Variants in ZNF777 observed in about 807,000 individuals in gnomAD.
ZNF777 encodes the protein zinc finger protein 777.
ZNF777 carries 7 observed loss-of-function variants against 72.1 expected under a neutral mutation model. The observed-to-expected ratio is 0.10, with a 90% CI of 0.06 to 0.18. The LOEUF (loss-of-function observed/expected upper bound fraction) is 0.18, where lower values mean the gene tolerates loss of function less well. Among genes scored for constraint, ZNF777 ranks in the 10% least tolerant of loss-of-function variants. The pLI is 1.00. For synonymous variants in ZNF777, 545 were observed against 483.5 expected, an observed-to-expected ratio of 1.13 and a Z score of -1.67; for missense variants, 828 against 1,128.6, an observed-to-expected ratio of 0.73 and a Z score of 3.82.
intron 4 of ZNF777, among the ~76,000 whole-genome samples, chr7:149,444,585 A>C (rs1252255113): frequency 1.3e-5 from 2 of 152,182 alleles, no homozygotes; most frequent in Non-Finnish European, 2.9e-5. Context: ...TTGATAAAGG[A>C]TTTGTGGAGA....
intron 4 of ZNF777, among the ~76,000 whole-genome samples, chr7:149,437,075 T>TA (rs112620793): frequency 2.1e-4 from 32 of 151,460 alleles, no homozygotes; most frequent in African/African-American, 5.8e-4. Flanking sequence ...GCTCCATAAT[T>TA]AAAAAAAAAT....
chr7:149,436,590 G>T lies in ZNF777; in HGVS notation c.1324C>A (p.Gln442Lys). Reference sequence around the variant, plus strand: ...CAGCACTCACCCGTGCAGTTCCTCTGCTGCACCAGCATCTGCTTCAGTTCG... The same window carrying T: ...CAGCACTCACCCGTGCAGTTCCTCTTCTGCACCAGCATCTGCTTCAGTTCG... ...FSELKQMLVQ[Q>K]RNCTEGIVIK... Residue 442 changes from glutamine to lysine, a missense_variant, in exon 5 of 6, where the codon CAG becomes AAG. Around this residue, in one of 12 missense-constraint regions of ZNF777, gnomAD observed 219 missense variants for 223.0 expected, o/e 0.98. Transcript: ENST00000247930. This position sits in a 1 kb window ranked among gnomAD's most constrained non-coding sequence, Gnocchi z 5.0. 6.2e-7 allele frequency: 1 copy of T among 1,607,134 alleles called. No individual in the cohort carries two copies.
rs529406092 is a variant in ZNF777, at chr7:149,448,978, G to A, written c.1087+2021C>T. 2.1e-4 allele frequency among the ~76,000 whole-genome samples: 32 copies of A among 152,336 alleles called. 1 individual carries two copies. The South Asian group carries it at 2.7e-3, about 13-fold the overall frequency. On this transcript the variant is annotated intron_variant, in intron 4 of 5. Coordinates refer to ENST00000247930, the MANE Select transcript of ZNF777 (RefSeq NM_015694.3). ...TTTGGTATATTTGGAATTATGAGAAGTCTCAATTTTCTGGACTTTTACCCC... is the reference window on the plus strand; with the variant it reads ...TTTGGTATATTTGGAATTATGAGAAATCTCAATTTTCTGGACTTTTACCCC...
intron 4 of ZNF777, among the ~76,000 whole-genome samples, chr7:149,441,044 A>G (rs1203707723): frequency 6.6e-6 from 1 of 152,034 alleles, no homozygotes; most frequent in Non-Finnish European, 1.5e-5. Flanking sequence ...TCCTCCCTCA[A>G]AACAGGCAGT....
intron 1 of ZNF777, chr7:149,459,761 C>T (rs1799908558): frequency 2.0e-6 from 2 of 985,034 alleles, no homozygotes; most frequent in Non-Finnish European, 2.4e-6. Flanking sequence ...GCGCCCGGGC[C>T]GGGGAAGGCT....
In ZNF777 at chr7:149,456,149, A is replaced by T. The variant is rs752811951; in HGVS notation, c.-15-112T>A. 63 of 1,160,882 alleles carry T rather than the reference A, an allele frequency of 5.4e-5. No individual in the cohort carries two copies. The South Asian group carries it at 5.8e-4, about 11-fold the overall frequency. The allele number at this position is 1,160,882 out of a possible 1,614,324, so 71.9% of individuals were successfully genotyped here. A position where few individuals can be genotyped will look rare whatever the true frequency, so the allele number is the denominator to read the frequency against. ...AAAGTGCTTCCGTTTGGTAGCAATA[A>T]TATGTGCCCCTCATATGTGAATCTC... On this transcript the variant is annotated intron_variant, in intron 1 of 5. Coordinates refer to ENST00000247930, the MANE Select transcript of ZNF777 (RefSeq NM_015694.3).
rs963191584 is a variant in ZNF777 at position 149,460,030 on chromosome 7, C to G, written c.-16+785G>C. ...ACGTCGTAGCGTTTCTGCCCCTTAC[C>G]GAGATCCCAGGCCGGGCCGCCGAGC... is the stretch of plus-strand genomic sequence containing the variant. On this transcript the variant is annotated intron_variant, in intron 1 of 5. Coordinates refer to ENST00000247930, the MANE Select transcript of ZNF777 (RefSeq NM_015694.3). This position sits in a 1 kb window ranked among gnomAD's most constrained non-coding sequence, Gnocchi z 6.1. 1 of 981,632 alleles carries G rather than the reference C, an allele frequency of 1.0e-6. No individual in the cohort carries two copies. The highest frequency in any genetic ancestry group is 1.2e-6 in the Non-Finnish European group (1 of 827,874). The allele number at this position is 981,632 out of a possible 1,614,324, so 60.8% of individuals were successfully genotyped here.
intron 4 of ZNF777, among the ~76,000 whole-genome samples, chr7:149,448,534 G>A (rs965141702): frequency 4.5e-5 from 5 of 110,438 alleles, no homozygotes; most frequent in African/African-American, 2.1e-4. Context: ...TATACATATA[G>A]TTATATATAT....
intron 4 of ZNF777, among the ~76,000 whole-genome samples, chr7:149,441,690 C>G (rs1799518408): frequency 1.3e-5 from 2 of 152,118 alleles, no homozygotes; most frequent in South Asian, 4.1e-4. Flanking sequence ...AAGTTGTTTT[C>G]AAATGTATTA....
In ZNF777 at chr7:149,432,388, G is replaced by A. The variant is rs1011064974; in HGVS notation, c.1884C>T (p.Ser628=). ...TGTAGGGCTTAGGGCCACCGCCGCCGCTACCAGAGCTGGGTGACTTGGGAC... is the reference window on the plus strand; with the variant it reads ...TGTAGGGCTTAGGGCCACCGCCGCCACTACCAGAGCTGGGTGACTTGGGAC... The part of the protein sequence containing the change: ...KPRPKSPSSG[S]GGGGPKPYKC... The change falls in exon 6 of 6, where the codon AGC becomes AGT. Residue 628 remains serine (S), a synonymous_variant. Coordinates refer to ENST00000247930, the MANE Select transcript of ZNF777 (RefSeq NM_015694.3). 3 of 1,613,112 alleles carry A rather than the reference G, an allele frequency of 1.9e-6. No homozygotes were observed. The highest frequency in any genetic ancestry group is 2.7e-5 in the African/African-American group (2 of 74,920).
At chr7:149,442,424 C>T (rs1045372492) in intron 4 of ZNF777, among the ~76,000 whole-genome samples, 4 of 151,540 alleles carry the variant, frequency 2.6e-5, no homozygotes, top group Admixed American at 6.6e-5. Context: ...TTGAAACCAG[C>T]CTGGCCAAAA....
intron 5 of ZNF777, among the ~76,000 whole-genome samples, chr7:149,435,344 A>AT (rs1370087135): frequency 3.3e-5 from 5 of 152,008 alleles, no homozygotes; most frequent in South Asian, 2.1e-4. Context: ...CTAATTTTTA[A>AT]TTTTTTTGTA....
chr7:149,448,195 G>A (rs1417233539), intron 4 of ZNF777, among the ~76,000 whole-genome samples: 2 of 152,036 alleles, frequency 1.3e-5, no homozygotes, highest in Non-Finnish European at 2.9e-5. Context: ...GCCAGGTGCA[G>A]TGGTTCATGC....
At chr7:149,457,463 T>C (rs963320058) in intron 1 of ZNF777, among the ~76,000 whole-genome samples, 11 of 152,244 alleles carry the variant, frequency 7.2e-5, no homozygotes, top group African/African-American at 2.7e-4. Flanking sequence ...ATGTGTTTGA[T>C]AAATGCCGGC....
chr7:149,456,733 C>A (rs1041226168), intron 1 of ZNF777, among the ~76,000 whole-genome samples: 1 of 152,184 alleles, frequency 6.6e-6, no homozygotes, highest in African/African-American at 2.4e-5. Flanking sequence ...ATGACATTAT[C>A]TGAAGTTTCC....
Position 149,460,108 on chromosome 7 carries a change from G to C in ZNF777, c.-16+707C>G. 1 of 981,960 alleles carries C rather than the reference G, an allele frequency of 1.0e-6. No homozygotes were observed. Among genetic ancestry groups the C allele is most frequent in the Non-Finnish European group, 1.2e-6 (1 of 828,670 alleles). The allele number at this position is 981,960 out of a possible 1,614,324, so 60.8% of individuals were successfully genotyped here. A position where few individuals can be genotyped will look rare whatever the true frequency, so the allele number is the denominator to read the frequency against. ...CCCGAGGCCGCGCGTCCGTGCGCGC[G>C]CGGGCCGCCCTCACAGGAGCCGGGG... is the stretch of plus-strand genomic sequence containing the variant. On this transcript the variant is annotated intron_variant, in intron 1 of 5. Transcript: ENST00000247930. This position sits in a 1 kb window ranked among gnomAD's most constrained non-coding sequence, Gnocchi z 6.1.
intron 4 of ZNF777, among the ~76,000 whole-genome samples, chr7:149,437,799 C>CTTTTTTTTTTTTTTTTT (rs796721387): frequency 1.5e-4 from 17 of 115,644 alleles, no homozygotes; most frequent in East Asian, 3.9e-4. Flanking sequence ...ATGTTTGTTT[C>CTTTTTTTTTTTTTTTTT]TTTTTCTTTT....
intron 3 of ZNF777, 100 bp from the exon 4 acceptor site, chr7:149,451,212 C>T (rs1263095389): frequency 3.9e-6 from 4 of 1,035,596 alleles, no homozygotes; most frequent in African/African-American, 1.6e-5. Flanking sequence ...AGCAGCTCCT[C>T]GACTGGAGAC....
At chr7:149,437,193 C>G (rs998677298) in intron 4 of ZNF777, among the ~76,000 whole-genome samples, 2 of 152,142 alleles carry the variant, frequency 1.3e-5, no homozygotes, top group African/African-American at 4.8e-5. Context: ...TCACTGCAGC[C>G]TTGAACTCCT....
Sources: gnomAD v4.1 joint callset for allele counts (sites outside exome capture counted in the v4.1 genomes callset) on GRCh38, gnomAD v4.1.1 for gene constraint, gnomAD v4.1.1 regional missense constraint, Gnocchi (gnomAD v3.1) non-coding constraint, MANE v1.5 for transcripts, NCBI Gene and HGNC (gene_info 2026-07-23, HGNC 2026-07-21) for gene names.